MSR1: variants seen among roughly 807,000 people sequenced by gnomAD.
The protein encoded by MSR1 is macrophage scavenger receptor 1.
In MSR1, 53 loss-of-function variants were observed where a neutral mutation model predicts 47.2. The observed-to-expected ratio is 1.12, with a 90% CI of 0.90 to 1.41. The LOEUF (loss-of-function observed/expected upper bound fraction) is 1.41, where lower values mean the gene tolerates loss of function less well. Among genes scored for constraint, MSR1 ranks in the 40% most tolerant of loss-of-function variants. The pLI is 0.00. For synonymous variants in MSR1, 239 were observed against 185.6 expected, an observed-to-expected ratio of 1.29 and a Z score of -2.34; for missense variants, 786 against 546.9, an observed-to-expected ratio of 1.44 and a Z score of -4.36.
At chr8:16,116,610 C>T (rs1032660381) in intron 9 of MSR1, among the ~76,000 whole-genome samples, 2 of 150,674 alleles carry the variant, frequency 1.3e-5, no homozygotes, top group Non-Finnish European at 3.0e-5. Context: ...AAACCATTTT[C>T]TTCTTAGTAT....
rs1416763612 is a variant in MSR1 at position 16,164,198 on chromosome 8, A to G, written c.684T>C (p.Ala228=). ...RVYNVSAEIM[A]MKEEQVHLEQ... is the part of the protein sequence containing the mutation. The stretch of plus-strand genomic sequence containing the variant: ...CCAAATGCACTTGTTCTTCTTTCAT[A>G]GCCATAATTTCTGCTGATACATTGT... Residue 228 remains alanine, a synonymous_variant, in exon 5 of 10, where the codon GCT becomes GCC. Transcript: ENST00000262101. 1 of 1,612,346 alleles carries G rather than the reference A, an allele frequency of 6.2e-7. No individual in the cohort carries two copies. Among genetic ancestry groups the G allele is most frequent in the Non-Finnish European group, 8.5e-7 (1 of 1,179,050 alleles).
At chr8:16,174,064 C>T (rs550259959) in intron 3 of MSR1, among the ~76,000 whole-genome samples, 11 of 152,268 alleles carry the variant, frequency 7.2e-5, no homozygotes, top group South Asian at 2.1e-4. Context: ...ACTCCAGCTC[C>T]AATACTGAGC....
intron 8 of MSR1, among the ~76,000 whole-genome samples, chr8:16,141,975 G>C (rs1033677004): frequency 2.6e-5 from 4 of 152,060 alleles, no homozygotes; most frequent in African/African-American, 7.2e-5. Flanking sequence ...TTTTTAAGAG[G>C]AACTCAGCTG....
intron 5 of MSR1, 99 bp from the exon 6 acceptor site, chr8:16,155,243 T>C (rs961796786): frequency 1.2e-6 from 1 of 830,288 alleles, no homozygotes; most frequent in East Asian, 2.6e-5. Flanking sequence ...CAAAGTCTTC[T>C]ATTTGTTGTG....
chr8:16,139,310 G>A, intron 8 of MSR1: 7 of 982,908 alleles, frequency 7.1e-6, no homozygotes, highest in Non-Finnish European at 8.5e-6. Context: ...TCACTGCGAA[G>A]CATACCTTAC....
intron 2 of MSR1, among the ~76,000 whole-genome samples, chr8:16,176,884 G>C (rs1801664357): frequency 6.6e-6 from 1 of 152,106 alleles, no homozygotes; most frequent in South Asian, 2.1e-4. Flanking sequence ...TGGAGTTGAG[G>C]TCTGTATTTC....
At chr8:16,139,392 C>T (rs1046443853) in intron 8 of MSR1, 1 of 916,910 alleles carries the variant, frequency 1.1e-6, no homozygotes, top group Non-Finnish European at 1.3e-6. Flanking sequence ...CTCACAACAA[C>T]CCTGTGAGGT....
intron 4 of MSR1, among the ~76,000 whole-genome samples, chr8:16,166,174 T>G (rs1179765030): frequency 7.1e-6 from 1 of 141,160 alleles, no homozygotes; most frequent in Admixed American, 7.1e-5. Context: ...CTTTTTTTTT[T>G]TTTTTTTTTT....
rs1173312117 is a variant in MSR1, at chr8:16,120,562, C to G, written c.1078G>C (p.Glu360Gln). 4 of 1,606,632 alleles carry G rather than the reference C, an allele frequency of 2.5e-6. No individual in the cohort carries two copies. In the East Asian group the frequency reaches 6.7e-5, roughly 27 times the overall value. ...CTGTGGAGTATCTCCACCCTCCCCT[C>G]GTGAGGGCCGCTCCCACCGACCAGT... is the stretch of plus-strand genomic sequence containing the variant. Reference protein sequence around the residue: ...VRLVGGSGPHEGRVEILHSGQ... With the variant: ...VRLVGGSGPHQGRVEILHSGQ... The change falls in exon 9 of 10, where the codon GAG (glutamate) becomes CAG (glutamine). Residue 360 changes from glutamate to glutamine, a missense_variant. Coordinates refer to ENST00000262101, the MANE Select transcript of MSR1 (RefSeq NM_138715.3).
chr8:16,155,031 C>G lies in MSR1; in HGVS notation c.898+33G>C. On this transcript the variant is annotated intron_variant, in intron 6 of 9. Transcript: ENST00000262101. Reference sequence around the variant, plus strand: ...CCTGGATGTATATCATCTATCTTCACAGTATATGATTAAATAGCTAAAATT... The same window carrying G: ...CCTGGATGTATATCATCTATCTTCAGAGTATATGATTAAATAGCTAAAATT... The G allele has an allele frequency of 2.0e-6, 3 of 1,527,420 alleles. 1 individual carries two copies. The South Asian group carries it at 3.4e-5, about 17-fold the overall frequency. The allele number at this position is 1,527,420 out of a possible 1,614,324, so 94.6% of individuals were successfully genotyped here.
chr8:16,144,890 T>G (rs796081089), intron 7 of MSR1, among the ~76,000 whole-genome samples: 29 of 152,158 alleles, frequency 1.9e-4, no homozygotes, highest in African/African-American at 7.0e-4. Context: ...AATTTTAGTG[T>G]TTATATTTAT....
At chr8:16,170,429 T>G (rs1046577521) in intron 3 of MSR1, among the ~76,000 whole-genome samples, 1 of 152,296 alleles carries the variant, frequency 6.6e-6, no homozygotes, top group Non-Finnish European at 1.5e-5. Context: ...CAGTCATGGC[T>G]GAGGTTTTCT....
chr8:16,150,199 T>G (rs371872573), intron 7 of MSR1, 32 bp downstream of exon 7: 2 of 979,848 alleles, frequency 2.0e-6, no homozygotes, highest in African/African-American at 3.4e-5. Flanking sequence ...CTTCTACATA[T>G]TCTATAAAGA....
Position 16,171,354 on chromosome 8 carries a change from T to A in MSR1, c.218-2484A>T, listed in dbSNP as rs184637956. On this transcript the variant is annotated intron_variant, in intron 3 of 9. Coordinates refer to ENST00000262101, the MANE Select transcript of MSR1 (RefSeq NM_138715.3). ...TTTCAAAAAATACATGATACCATATTTTTCCTTGTTTTATTAATTTAATAT... is the reference window on the plus strand; with the variant it reads ...TTTCAAAAAATACATGATACCATATATTTCCTTGTTTTATTAATTTAATAT... 6.6e-3 allele frequency among the ~76,000 whole-genome samples: 1,006 copies of A among 152,276 alleles called. 15 individuals are homozygous for A. The highest frequency in any genetic ancestry group is 0.022 in the African/African-American group (920 of 41,552).
intron 6 of MSR1, among the ~76,000 whole-genome samples, chr8:16,152,107 A>G (rs1800877372): frequency 6.6e-6 from 1 of 152,068 alleles, no homozygotes. Flanking sequence ...CCTCCTCCTC[A>G]GTAATACAAT....
At chr8:16,130,896 G>C (rs1477315425) in intron 8 of MSR1, among the ~76,000 whole-genome samples, 1 of 151,946 alleles carries the variant, frequency 6.6e-6, no homozygotes. Context: ...GGGCATTTAG[G>C]TTGATTCCAT....
rs1273392295 is a variant in MSR1, at chr8:16,108,581, T to G, written c.*1504A>C. On this transcript the variant is annotated 3_prime_UTR_variant, in exon 10 of 10. Coordinates refer to ENST00000262101, the MANE Select transcript of MSR1 (RefSeq NM_138715.3). ...TGAACACAAAGAATTATTAACTAGC[T>G]GAAATTACAGCCAGGGTTTGAGACA... The G allele has an allele frequency of 6.6e-6, 1 of 152,154 alleles. No individual in the cohort carries two copies. The highest frequency in any genetic ancestry group is 1.9e-4 in the East Asian group (1 of 5,186). 9.4% of individuals were successfully genotyped at this position (152,154 alleles called of 1,614,324 possible).
chr8:16,188,967 C>CATATAT lies in MSR1; in HGVS notation c.-5+3625_-5+3630dup, dbSNP rs200739372. Among the ~76,000 whole-genome samples, 150 of 122,258 alleles carry CATATAT rather than the reference C, an allele frequency of 1.2e-3. 1 individual carries two copies. The highest frequency in any genetic ancestry group is 2.7e-3 in the African/African-American group (92 of 34,178). 80.2% of individuals were successfully genotyped at this position (122,258 alleles called of 152,430 possible). On this transcript the variant is annotated intron_variant, in intron 1 of 9. Coordinates refer to ENST00000262101, the MANE Select transcript of MSR1 (RefSeq NM_138715.3). ...GCTACCTAATAATTCAACACACATA[C>CATATAT]ATATATATATATATATATATATATA...
chr8:16,113,981 TG>T (rs1198598254), intron 9 of MSR1, among the ~76,000 whole-genome samples: 1 of 149,794 alleles, frequency 6.7e-6, no homozygotes, highest in Admixed American at 6.6e-5. Flanking sequence ...ATTTTCTCTA[TG>T]AAAAAAATAT....
Sources: gnomAD v4.1 joint callset for allele counts (sites outside exome capture counted in the v4.1 genomes callset) on GRCh38, gnomAD v4.1.1 for gene constraint, MANE v1.5 for transcripts, NCBI Gene and HGNC (gene_info 2026-07-23, HGNC 2026-07-21) for gene names.